Variants in SPTLC3 observed in about 807,000 individuals in gnomAD.
The protein encoded by SPTLC3 is serine palmitoyltransferase long chain base subunit 3.
SPTLC3 carries 36 observed loss-of-function variants against 59.3 expected under a neutral mutation model. That is an observed-to-expected ratio of 0.61 (90% CI 0.47 to 0.80). The LOEUF is 0.80. SPTLC3 is among the 30% of genes least tolerant of loss of function. The pLI is 0.00. For missense variants in SPTLC3, 625 were observed against 685.1 expected, an observed-to-expected ratio of 0.91 and a Z score of 0.98; for synonymous variants, 257 against 240.8, an observed-to-expected ratio of 1.07 and a Z score of -0.62.
rs138065188 is a variant in SPTLC3, at chr20:13,036,833, T to C, written c.118-12112T>C. On this transcript the variant is annotated intron_variant, in intron 1 of 11. Coordinates refer to ENST00000399002, the MANE Select transcript of SPTLC3 (RefSeq NM_018327.4). ...CCCATCAGTTAGTCCCATATTTAGT[T>C]TACAATTTTTGTTACTCTGATGGGA... Among the ~76,000 whole-genome samples the C allele has an allele frequency of 3.5e-4, 54 of 152,226 alleles. No homozygotes were observed. In the Middle Eastern group the frequency reaches 0.01, roughly 29 times the overall value.
At chr20:13,063,110 G>A (rs1227811963) in intron 2 of SPTLC3, among the ~76,000 whole-genome samples, 1 of 152,134 alleles carries the variant, frequency 6.6e-6, no homozygotes, top group Non-Finnish European at 1.5e-5. Context: ...TTTAAAAATT[G>A]TTTGGCTAAT....
At chr20:13,143,476 A>G (rs931155103) in intron 9 of SPTLC3, among the ~76,000 whole-genome samples, 1 of 152,204 alleles carries the variant, frequency 6.6e-6, no homozygotes, top group African/African-American at 2.4e-5. Context: ...CCATTTTACA[A>G]TGAAGAATCC....
chr20:13,115,282 A>G (rs962522013), intron 7 of SPTLC3, among the ~76,000 whole-genome samples: 9 of 152,176 alleles, frequency 5.9e-5, no homozygotes, highest in Non-Finnish European at 2.9e-5. Flanking sequence ...ATATAACTCT[A>G]TAAAAGCTGA....
At chr20:13,044,354 G>T (rs946203561) in intron 1 of SPTLC3, among the ~76,000 whole-genome samples, 2 of 151,858 alleles carry the variant, frequency 1.3e-5, no homozygotes, top group Admixed American at 6.6e-5. Flanking sequence ...CACCCACCTC[G>T]GCCTCCCAAA....
chr20:13,122,203 A>G (rs555705076), intron 8 of SPTLC3, among the ~76,000 whole-genome samples: 1 of 152,328 alleles, frequency 6.6e-6, no homozygotes, highest in East Asian at 1.9e-4. Context: ...ATGGATTTTA[A>G]AAGAAGTGTA....
intron 9 of SPTLC3, among the ~76,000 whole-genome samples, chr20:13,141,832 G>A (rs2038389704): frequency 6.6e-6 from 1 of 152,202 alleles, no homozygotes; most frequent in Non-Finnish European, 1.5e-5. Context: ...CTCAGTCCAT[G>A]ATTAATCACC....
intron 1 of SPTLC3, among the ~76,000 whole-genome samples, chr20:13,029,141 C>G (rs1274995330): frequency 1.3e-5 from 2 of 152,168 alleles, no homozygotes; most frequent in African/African-American, 2.4e-5. Context: ...AGTTTGTTAG[C>G]TTATGACAGG....
chr20:13,036,238 C>T (rs1055057356), intron 1 of SPTLC3, among the ~76,000 whole-genome samples: 1 of 152,084 alleles, frequency 6.6e-6, no homozygotes, highest in Admixed American at 6.6e-5. Context: ...TCTATTTATA[C>T]ACTGATTTTT....
chr20:13,068,069 A>G (rs989188298), intron 2 of SPTLC3, among the ~76,000 whole-genome samples: 3 of 152,228 alleles, frequency 2.0e-5, no homozygotes, highest in South Asian at 2.1e-4. Context: ...ATTTTGTCCA[A>G]TCAAGTTTTC....
intron 1 of SPTLC3, among the ~76,000 whole-genome samples, chr20:13,028,265 T>C (rs527781679): frequency 1.3e-4 from 20 of 152,282 alleles, no homozygotes; most frequent in African/African-American, 4.6e-4. Context: ...TAGTAATACA[T>C]TTCTCAACAG....
intron 7 of SPTLC3, among the ~76,000 whole-genome samples, chr20:13,110,746 A>G (rs1990186603): frequency 6.6e-6 from 1 of 152,184 alleles, no homozygotes; most frequent in African/African-American, 2.4e-5. Flanking sequence ...GCCAGCGGGT[A>G]GGAATGGGCT....
chr20:13,065,264 A>AG, intron 2 of SPTLC3, among the ~76,000 whole-genome samples: 1 of 87,146 alleles, frequency 1.1e-5, no homozygotes, highest in African/African-American at 5.2e-5. Flanking sequence ...AATTTGTTAG[A>AG]GTTTTTTTTT....
chr20:13,012,204 A>G (rs1285729351), intron 1 of SPTLC3, among the ~76,000 whole-genome samples: 1 of 152,142 alleles, frequency 6.6e-6, no homozygotes. Flanking sequence ...CTTCTCTTAA[A>G]CGAAACCTGC....
At chr20:13,037,428 T>C (rs577520015) in intron 1 of SPTLC3, among the ~76,000 whole-genome samples, 2 of 152,288 alleles carry the variant, frequency 1.3e-5, no homozygotes, top group Non-Finnish European at 2.9e-5. Flanking sequence ...CCCCACCAGA[T>C]GATCTGTTTG....
chr20:13,035,315 T>A (rs1414642385), intron 1 of SPTLC3, among the ~76,000 whole-genome samples: 3 of 152,180 alleles, frequency 2.0e-5, no homozygotes, highest in African/African-American at 7.2e-5. Context: ...AAGTAAATTT[T>A]ACTATAAGTT....
chr20:13,111,906 A>AAAC (rs1457816822), intron 7 of SPTLC3, among the ~76,000 whole-genome samples: 1 of 152,184 alleles, frequency 6.6e-6, no homozygotes, highest in Non-Finnish European at 1.5e-5. Context: ...CTACACAGAG[A>AAAC]AACAACTCCA....
intron 9 of SPTLC3, among the ~76,000 whole-genome samples, chr20:13,127,643 AAAG>A: frequency 6.6e-6 from 1 of 152,218 alleles, no homozygotes; most frequent in Non-Finnish European, 1.5e-5. Flanking sequence ...TGATCTAGTT[AAAG>A]TAGTGTCTTC....
chr20:13,014,759 C>T (rs148831399), intron 1 of SPTLC3, among the ~76,000 whole-genome samples: 15 of 148,198 alleles, frequency 1.0e-4, no homozygotes, highest in African/African-American at 3.7e-4. Context: ...TGGGAGATGG[C>T]GTACAACACA....
chr20:13,134,878 A>G (rs1186477517), intron 9 of SPTLC3, among the ~76,000 whole-genome samples: 1 of 152,212 alleles, frequency 6.6e-6, no homozygotes, highest in African/African-American at 2.4e-5. Flanking sequence ...TTAAACCAAA[A>G]CATCAACGCT....
Sources: allele counts gnomAD v4.1 joint callset (sites outside exome capture counted in the v4.1 genomes callset), GRCh38; gene constraint gnomAD v4.1.1; transcripts MANE v1.5; gene names NCBI Gene and HGNC (gene_info 2026-07-23, HGNC 2026-07-21).